Variants in NTMT2 observed in about 807,000 individuals in gnomAD.
NTMT2 encodes the protein X-Pro-Lys N-terminal protein methyltransferase 1B.
A neutral mutation model predicts 23.4 loss-of-function variants in NTMT2; 21 were observed. The observed-to-expected ratio is 0.90, with a 90% CI of 0.64 to 1.29. The LOEUF (loss-of-function observed/expected upper bound fraction) is 1.29. NTMT2 is among the 50% of genes most tolerant of loss of function. NTMT2 has a pLI of 0.00. For synonymous variants in NTMT2, 131 were observed against 127.7 expected, an observed-to-expected ratio of 1.03 and a Z score of -0.17; for missense variants, 336 against 352.0, an observed-to-expected ratio of 0.95 and a Z score of 0.36.
rs76873039 is a variant in NTMT2, at chr1:170,153,666, G to A, written c.155-6852G>A. 6.9e-3 allele frequency among the ~76,000 whole-genome samples: 1,047 copies of A among 152,348 alleles called. 9 individuals carry two copies. Among genetic ancestry groups the A allele is most frequent in the Non-Finnish European group, 0.012 (849 of 68,022 alleles). Reference sequence around the variant, plus strand: ...AATTTCTAAACAGCAAAACATGCAAGATGTGGCCTGGCTGCTTCTAACAGC... The same window carrying A: ...AATTTCTAAACAGCAAAACATGCAAAATGTGGCCTGGCTGCTTCTAACAGC... On this transcript the variant is annotated intron_variant, in intron 1 of 3. Coordinates refer to ENST00000439373, the MANE Select transcript of NTMT2 (RefSeq NM_001136107.2).
chr1:170,149,506 A>G (rs10919306), intron 1 of NTMT2, among the ~76,000 whole-genome samples: 44,876 of 152,080 alleles, frequency 0.3, 7,357 homozygotes, highest in African/African-American at 0.43. Context: ...AGACTCGCCT[A>G]TTTTTTCCTC....
intron 1 of NTMT2, among the ~76,000 whole-genome samples, chr1:170,158,957 C>T (rs1295035756): frequency 6.6e-6 from 1 of 151,844 alleles, no homozygotes; most frequent in Non-Finnish European, 1.5e-5. Flanking sequence ...TCATCCATTT[C>T]CTGAATTATT....
intron 3 of NTMT2, 43 bp downstream of exon 3, chr1:170,166,794 A>G (rs1209788621): frequency 1.3e-6 from 2 of 1,545,364 alleles, no homozygotes. Flanking sequence ...TCCCCTTCTC[A>G]GCCAGAGAAG....
intron 2 of NTMT2, among the ~76,000 whole-genome samples, chr1:170,165,257 A>G (rs762172210): frequency 1.3e-5 from 2 of 152,160 alleles, no homozygotes; most frequent in Non-Finnish European, 2.9e-5. Flanking sequence ...AATTTTATGG[A>G]AGCAAGTTTG....
At chr1:170,159,834 C>T (rs914248101) in intron 1 of NTMT2, among the ~76,000 whole-genome samples, 6 of 152,132 alleles carry the variant, frequency 3.9e-5, no homozygotes, top group Non-Finnish European at 8.8e-5. Flanking sequence ...CTCATTTATT[C>T]CTCAGAAGTT....
chr1:170,154,255 G>GC (rs1450922205), intron 1 of NTMT2, among the ~76,000 whole-genome samples: 2 of 152,160 alleles, frequency 1.3e-5, no homozygotes, highest in African/African-American at 2.4e-5. Context: ...CAAAGGTGGA[G>GC]CCCCCCACAC....
chr1:170,146,632 TTGAG>T (rs1302424060), intron 1 of NTMT2, among the ~76,000 whole-genome samples: 1 of 152,194 alleles, frequency 6.6e-6, no homozygotes, highest in African/African-American at 2.4e-5. Context: ...CATTAATACA[TTGAG>T]TAAGAGTTAA....
chr1:170,162,005 G>A (rs573202061), intron 2 of NTMT2, among the ~76,000 whole-genome samples: 8 of 152,256 alleles, frequency 5.3e-5, no homozygotes, highest in Non-Finnish European at 7.4e-5. Context: ...CAGAAGAATC[G>A]CTTGAACCCA....
intron 1 of NTMT2, among the ~76,000 whole-genome samples, chr1:170,146,820 G>A (rs898404708): frequency 1.7e-4 from 26 of 151,990 alleles, no homozygotes; most frequent in African/African-American, 6.3e-4. Context: ...TAAGAAGTCA[G>A]TGGTCTGTCT....
chr1:170,164,918 T>A (rs548396660), intron 2 of NTMT2, among the ~76,000 whole-genome samples: 126 of 152,356 alleles, frequency 8.3e-4, no homozygotes, highest in Middle Eastern at 3.4e-3. Flanking sequence ...TTGTGGCTAT[T>A]ATTATTCCAT....
chr1:170,154,097 C>T (rs1280829584), intron 1 of NTMT2, among the ~76,000 whole-genome samples: 4 of 152,282 alleles, frequency 2.6e-5, no homozygotes, highest in Non-Finnish European at 5.9e-5. Context: ...GAGGCATCTG[C>T]TCTGAAGGGC....
chr1:170,154,779 A>G (rs1450584974), intron 1 of NTMT2, among the ~76,000 whole-genome samples: 1 of 152,114 alleles, frequency 6.6e-6, no homozygotes, highest in African/African-American at 2.4e-5. Context: ...ACTATTGAGA[A>G]GGGAATTTGA....
rs1332642510 is a variant in NTMT2, at chr1:170,145,999, C to T, written c.-109C>T. 1 of 1,047,312 alleles carries T rather than the reference C, an allele frequency of 9.5e-7. No homozygotes were observed. Among genetic ancestry groups the T allele is most frequent in the Admixed American group, 2.6e-5 (1 of 38,688 alleles). 64.9% of individuals were successfully genotyped at this position (1,047,312 alleles called of 1,614,324 possible). A position where few individuals can be genotyped will look rare whatever the true frequency, so the allele number is the denominator to read the frequency against. ...TGTCCTGATATAGATGGAGAGGGGA[C>T]TGGTTTAAAATGACAGTCTCAAGTT... is the stretch of plus-strand genomic sequence containing the variant. On this transcript the variant is annotated 5_prime_UTR_variant, in exon 1 of 4. Transcript: ENST00000439373.
chr1:170,168,666 C>G lies in NTMT2; in HGVS notation c.*909C>G, dbSNP rs1461723701. 1.3e-5 allele frequency among the ~76,000 whole-genome samples: 2 copies of G among 152,204 alleles called. No homozygotes were observed. Among genetic ancestry groups the G allele is most frequent in the African/African-American group, 4.8e-5 (2 of 41,460 alleles). On this transcript the variant is annotated 3_prime_UTR_variant, in exon 4 of 4. Coordinates refer to ENST00000439373, the MANE Select transcript of NTMT2 (RefSeq NM_001136107.2). ...TGTGCCCTGAAATTTCAACCTTTAA[C>G]ATATAAGTAAATGTCATTGATAATC...
At chr1:170,153,959 C>A (rs570213103) in intron 1 of NTMT2, among the ~76,000 whole-genome samples, 95 of 152,226 alleles carry the variant, frequency 6.2e-4, no homozygotes, top group Middle Eastern at 6.8e-3. Flanking sequence ...ATCACAGACC[C>A]AGTAGTGTAG....
chr1:170,163,067 C>G (rs1475819424), intron 2 of NTMT2, among the ~76,000 whole-genome samples: 1 of 152,070 alleles, frequency 6.6e-6, no homozygotes, highest in Non-Finnish European at 1.5e-5. Context: ...GGATGCTGGT[C>G]AGACAGAGCC....
In NTMT2 at chr1:170,159,116, C is replaced by T. The variant is rs59453281; in HGVS notation, c.155-1402C>T. Among the ~76,000 whole-genome samples, 1,116 of 151,270 alleles carry T rather than the reference C, an allele frequency of 7.4e-3. 13 individuals carry two copies. The highest frequency in any genetic ancestry group is 0.026 in the African/African-American group (1,058 of 41,488). ...TAGATAAGGTTTCCTTTGTTTTGTA[C>T]TTGTCCCCTAAATAGAAAGGAAGAC... On this transcript the variant is annotated intron_variant, in intron 1 of 3. Coordinates refer to ENST00000439373, the MANE Select transcript of NTMT2 (RefSeq NM_001136107.2).
intron 1 of NTMT2, among the ~76,000 whole-genome samples, chr1:170,148,497 C>A (rs1210662317): frequency 6.6e-6 from 1 of 152,012 alleles, no homozygotes; most frequent in Admixed American, 6.6e-5. Context: ...TACTTATTTG[C>A]AGCTTTCCAT....
intron 3 of NTMT2, 122 bp from the exon 4 acceptor site, chr1:170,167,364 C>A: frequency 1.1e-6 from 1 of 872,384 alleles, no homozygotes; most frequent in Non-Finnish European, 1.7e-6. Context: ...CTAAATGAGG[C>A]TATTAAATCA....
Sources: gnomAD v4.1 joint callset for allele counts (sites outside exome capture counted in the v4.1 genomes callset) on GRCh38, gnomAD v4.1.1 for gene constraint, MANE v1.5 for transcripts, NCBI Gene and HGNC (gene_info 2026-07-23, HGNC 2026-07-21) for gene names.